Variants in PLEKHN1 observed in about 807,000 individuals in gnomAD.
PLEKHN1 encodes the protein pleckstrin homology domain containing N1.
Under a neutral mutation model 72.8 loss-of-function variants are expected in PLEKHN1, and 68 were observed. The ratio of observed to expected loss-of-function variants is 0.93; its 90% CI spans 0.77 to 1.14. The LOEUF is 1.14. PLEKHN1 is among the 50% of genes most tolerant of loss of function. PLEKHN1 has a pLI of 0.00. For missense variants in PLEKHN1, 1,015 were observed against 840.5 expected, an observed-to-expected ratio of 1.21 and a Z score of -2.57; for synonymous variants, 454 against 371.6, an observed-to-expected ratio of 1.22 and a Z score of -2.55.
Position 970,490 on chromosome 1 carries a change from C to G in PLEKHN1, c.331-31C>G. 1.2e-6 allele frequency: 2 copies of G among 1,613,098 alleles called. No individual in the cohort carries two copies. The highest frequency in any genetic ancestry group is 1.7e-6 in the Non-Finnish European group (2 of 1,179,958). On this transcript the variant is annotated intron_variant, in intron 3 of 15. Coordinates refer to ENST00000379410, the MANE Select transcript of PLEKHN1 (RefSeq NM_032129.3). This position sits in a 1 kb window ranked among gnomAD's most constrained non-coding sequence, Gnocchi z 4.2. ...CCCCATCAGCCTGGGGCTCCCCAGACTCCGCACTGACGACCCTGCTCCCCG... is the reference window on the plus strand; with the variant it reads ...CCCCATCAGCCTGGGGCTCCCCAGAGTCCGCACTGACGACCCTGCTCCCCG...
chr1:974,116 C>T (rs1338940813), intron 14 of PLEKHN1, 65 bp downstream of exon 14: 13 of 1,501,752 alleles, frequency 8.7e-6, no homozygotes, highest in African/African-American at 1.4e-5. Context: ...TGGTGTGGGG[C>T]CTCTTGGGAC....
Position 966,754 on chromosome 1 carries a change from G to A in PLEKHN1, c.134G>A (p.Arg45Gln), listed in dbSNP as rs370128139. ...GGCCTGCCGGGCCCCGAGGCTGCTC[G>A]AAGCGGGGACGCCGCCGCCAACAAG... ...SAGLPGPEAA[R>Q]SGDAAANKLF... The change falls in exon 2 of 16, where the codon CGA becomes CAA. Residue 45 changes from arginine (R) to glutamine (Q), a missense_variant. Arg to Gln is a conservative substitution (Grantham distance 43). Transcript: ENST00000379410. The A allele has an allele frequency of 4.3e-5, 68 of 1,574,982 alleles. No individual in the cohort carries two copies. Among genetic ancestry groups the A allele is most frequent in the African/African-American group, 1.4e-4 (10 of 73,946 alleles).
rs552874425 is a variant in PLEKHN1 at position 970,983 on chromosome 1, C to T, written c.589C>T (p.Arg197Cys). The part of the protein sequence containing the change: ...KQTALLGGPR[R>C]CHSAPPQRRL... ...GACGGCCCTCCTCGGGGGGCCGCGGCGCTGCCACTCGGCACCCCCACAGGT... is the reference window on the plus strand; with the variant it reads ...GACGGCCCTCCTCGGGGGGCCGCGGTGCTGCCACTCGGCACCCCCACAGGT... Residue 197 changes from arginine (R) to cysteine (C), a missense_variant, in exon 6 of 16, where the codon CGC becomes TGC. Arg to Cys is a radical substitution (Grantham distance 180, BLOSUM62 -3). Transcript: ENST00000379410. The surrounding 1 kb of genome is among the most constrained non-coding windows in gnomAD (Gnocchi z 4.2). 5.6e-5 allele frequency: 90 copies of T among 1,604,274 alleles called. No individual in the cohort carries two copies. The Middle Eastern group carries it at 1.8e-3, about 33-fold the overall frequency.
At chr1:966,947 C>T in intron 2 of PLEKHN1, 144 bp downstream of exon 2, 1 of 902,082 alleles carries the variant, frequency 1.1e-6, no homozygotes, top group Non-Finnish European at 1.6e-6. Context: ...GCTGACTGCC[C>T]CGCCCTGGGG....
chr1:970,827 T>G lies in PLEKHN1; in HGVS notation c.485-52T>G. The stretch of plus-strand genomic sequence containing the variant: ...AGGACTTGGAGAGGGGCCTGCCCTG[T>G]GGCTGCGGAGCACGTGTGTGTATGT... On this transcript the variant is annotated intron_variant, in intron 5 of 15. Coordinates refer to ENST00000379410, the MANE Select transcript of PLEKHN1 (RefSeq NM_032129.3). This position sits in a 1 kb window ranked among gnomAD's most constrained non-coding sequence, Gnocchi z 4.2. The G allele has an allele frequency of 1.2e-6, 2 of 1,612,602 alleles. No individual in the cohort carries two copies. The highest frequency in any genetic ancestry group is 2.2e-5 in the South Asian group (2 of 91,076).
rs1307582314 is a variant in PLEKHN1, at chr1:966,569, G to A, written c.38G>A (p.Arg13Lys). The A allele has an allele frequency of 1.9e-6, 3 of 1,610,800 alleles. No individual in the cohort carries two copies. Among genetic ancestry groups the A allele is most frequent in the East Asian group, 2.2e-5 (1 of 44,840 alleles). ...NSHCVPQAPRRLRASFSRKPS... is the reference protein window; with the variant it reads ...NSHCVPQAPRKLRASFSRKPS... ...CACTGTGTCCCTCAGGCCCCCAGGAGGCTCCGGGCCTCCTTCTCCAGAAAG... is the reference window on the plus strand; with the variant it reads ...CACTGTGTCCCTCAGGCCCCCAGGAAGCTCCGGGCCTCCTTCTCCAGAAAG... The change falls in exon 1 of 16, where the codon AGG (arginine) becomes AAG (lysine). Residue 13 changes from arginine (R) to lysine (K), a missense_variant. Coordinates refer to ENST00000379410, the MANE Select transcript of PLEKHN1 (RefSeq NM_032129.3).
chr1:967,768 G>A (rs1643088796), intron 2 of PLEKHN1, among the ~76,000 whole-genome samples: 1 of 152,198 alleles, frequency 6.6e-6, no homozygotes, highest in South Asian at 2.1e-4. Flanking sequence ...AGAGGGAGCC[G>A]GGCTGGGTTA....
At position 971,141 on chromosome 1, in the gene PLEKHN1, CAG is replaced by C. The variant is rs746410733; in HGVS notation, c.642_643del (p.Gly215AlafsTer73). 3 of 1,601,180 alleles carry C rather than the reference CAG, an allele frequency of 1.9e-6. No individual in the cohort carries two copies. The highest frequency in any genetic ancestry group is 1.7e-5 in the Admixed American group (1 of 58,590). ...CGTCTAACCCGGCTGCGGACGGCGT[CAG>C]GGCACGAACCCGGCGGCAGTGCTGT... On this transcript the variant is annotated frameshift_variant, in exon 7 of 16. Coordinates refer to ENST00000379410, the MANE Select transcript of PLEKHN1 (RefSeq NM_032129.3). LOFTEE classifies it high-confidence loss of function.
At position 972,152 on chromosome 1, in the gene PLEKHN1, T is replaced by G; in HGVS notation, c.865+2T>G. 1.9e-6 allele frequency: 3 copies of G among 1,612,846 alleles called. No homozygotes were observed. The highest frequency in any genetic ancestry group is 2.5e-6 in the Non-Finnish European group (3 of 1,179,778). On this transcript the variant is annotated splice_donor_variant, in intron 9 of 15. Coordinates refer to ENST00000379410, the MANE Select transcript of PLEKHN1 (RefSeq NM_032129.3). LOFTEE classifies it high-confidence loss of function. Reference sequence around the variant, plus strand: ...AGATCCGCTCCTTCCTGATTGAAGGTAGGGCCCTGACCCTGGTTCTGCCTC... The same window carrying G: ...AGATCCGCTCCTTCCTGATTGAAGGGAGGGCCCTGACCCTGGTTCTGCCTC...
rs1643434448 is a variant in PLEKHN1 at position 973,298 on chromosome 1, TCACCCCACTG to T, written c.1270_1279del (p.Pro424TrpfsTer3). 1 of 1,545,774 alleles carries T rather than the reference TCACCCCACTG, an allele frequency of 6.5e-7. No individual in the cohort carries two copies. Among genetic ancestry groups the T allele is most frequent in the East Asian group, 2.4e-5 (1 of 41,328 alleles). On this transcript the variant is annotated frameshift_variant, in exon 12 of 16. Coordinates refer to ENST00000379410, the MANE Select transcript of PLEKHN1 (RefSeq NM_032129.3). LOFTEE classifies it high-confidence loss of function. ...GCCCGGGCAGAGGGCCGCGGCCCTG[TCACCCCACTG>T]CACCTGGACCTGACCCAGGTGGGCC... is the stretch of plus-strand genomic sequence containing the variant.
chr1:974,634 CT>C lies in PLEKHN1; in HGVS notation c.*60del. The stretch of plus-strand genomic sequence containing the variant: ...TCGCCAAGCTCCAGGGTACCTGCCC[CT>C]CTAACCCACTTCAAATTACAAGTCA... On this transcript the variant is annotated 3_prime_UTR_variant, in exon 16 of 16. Transcript: ENST00000379410. The C allele has an allele frequency of 3.3e-6, 5 of 1,532,718 alleles. No individual in the cohort carries two copies. Among genetic ancestry groups the C allele is most frequent in the Non-Finnish European group, 4.4e-6 (5 of 1,137,492 alleles). The allele number at this position is 1,532,718 out of a possible 1,614,324, so 94.9% of individuals were successfully genotyped here. A position where few individuals can be genotyped will look rare whatever the true frequency, so the allele number is the denominator to read the frequency against.
intron 2 of PLEKHN1, among the ~76,000 whole-genome samples, chr1:969,699 C>T (rs374849393): frequency 1.2e-4 from 18 of 150,884 alleles, no homozygotes; most frequent in Non-Finnish European, 1.8e-4. Flanking sequence ...TGTATAAGTG[C>T]GTATGTGTGT....
Position 972,332 on chromosome 1 carries a change from G to A in PLEKHN1, c.910G>A (p.Asp304Asn). Residue 304 changes from aspartate (D) to asparagine (N), a missense_variant, in exon 10 of 16, where the codon GAC becomes AAC. Transcript: ENST00000379410. The stretch of plus-strand genomic sequence containing the variant: ...CCGCGTGGTGTGCGCCAGCTACGAG[G>A]ACTACGGTCACTGGCTGCTGTGCCT... The part of the protein sequence containing the change: ...TIRVVCASYE[D>N]YGHWLLCLRA... The A allele has an allele frequency of 6.2e-7, 1 of 1,612,582 alleles. No homozygotes were observed. Among genetic ancestry groups the A allele is most frequent in the Non-Finnish European group, 8.5e-7 (1 of 1,179,902 alleles).
rs758993603 is a variant in PLEKHN1, at chr1:973,175, G to C, written c.1153-11G>C. ...AAAGGGCTCTTCCTGGAAGGTTTGT[G>C]GTCCCCACAGGACCAGGCCAACTCT... is the stretch of plus-strand genomic sequence containing the variant. On this transcript the variant is annotated splice_polypyrimidine_tract_variant and intron_variant, in intron 11 of 15. Transcript: ENST00000379410. 1 of 1,507,666 alleles carries C rather than the reference G, an allele frequency of 6.6e-7. No individual in the cohort carries two copies. Among genetic ancestry groups the C allele is most frequent in the Admixed American group, 2.1e-5 (1 of 47,538 alleles). 93.4% of individuals were successfully genotyped at this position (1,507,666 alleles called of 1,614,324 possible).
intron 2 of PLEKHN1, among the ~76,000 whole-genome samples, chr1:969,852 C>T (rs543026285): frequency 1.0e-3 from 153 of 151,508 alleles, no homozygotes; most frequent in African/African-American, 3.6e-3. Context: ...GTGCACGTAT[C>T]GGGTGTGTGT....
chr1:967,733 C>T (rs28529599), intron 2 of PLEKHN1, among the ~76,000 whole-genome samples: 1,833 of 152,344 alleles, frequency 0.012, 32 homozygotes, highest in African/African-American at 0.042. Context: ...TCGGAAACCA[C>T]GCTGCCTCAG....
At chr1:972,782 G>A (rs1244731980) in intron 10 of PLEKHN1, 79 bp from the exon 11 acceptor site, 13 of 1,429,226 alleles carry the variant, frequency 9.1e-6, no homozygotes, top group Non-Finnish European at 1.2e-5. Flanking sequence ...ATAAAAGGGG[G>A]GACAGCACGG....
rs775249225 is a variant in PLEKHN1 at position 970,955 on chromosome 1, G to A, written c.561G>A (p.Lys187=). Reference sequence around the variant, plus strand: ...ACCGCTGGCTTTACCACCTGGAGAAGCAGACGGCCCTCCTCGGGGGGCCGC... The same window carrying A: ...ACCGCTGGCTTTACCACCTGGAGAAACAGACGGCCCTCCTCGGGGGGCCGC... ...ELDRWLYHLE[K]QTALLGGPRR... The change falls in exon 6 of 16, where the codon AAG becomes AAA. Residue 187 remains lysine, a synonymous_variant. Coordinates refer to ENST00000379410, the MANE Select transcript of PLEKHN1 (RefSeq NM_032129.3). This position sits in a 1 kb window ranked among gnomAD's most constrained non-coding sequence, Gnocchi z 4.2. The A allele has an allele frequency of 1.1e-5, 18 of 1,608,972 alleles. No individual in the cohort carries two copies. The Admixed American group carries it at 2.8e-4, about 25-fold the overall frequency.
intron 14 of PLEKHN1, 22 bp downstream of exon 14, chr1:974,073 C>T (rs995304615): frequency 2.2e-5 from 34 of 1,555,870 alleles, no homozygotes; most frequent in Non-Finnish European, 2.6e-5. Context: ...CCCCCACGCC[C>T]GTGTGCCCCG....
Sources: allele counts gnomAD v4.1 joint callset (sites outside exome capture counted in the v4.1 genomes callset), GRCh38; gene constraint gnomAD v4.1.1; non-coding constraint Gnocchi (gnomAD v3.1); transcripts MANE v1.5; gene names NCBI Gene and HGNC (gene_info 2026-07-23, HGNC 2026-07-21).